The following ODAD2 variants were observed in gnomAD, a reference collection of about 807,000 sequenced individuals.
ODAD2 encodes outer dynein arm docking complex subunit 2.
A neutral mutation model predicts 106.8 loss-of-function variants in ODAD2; 89 were observed. The observed-to-expected ratio is 0.83, with a 90% CI of 0.70 to 0.99. ODAD2 has a LOEUF of 0.99. Ranked by LOEUF, ODAD2 falls within the 50% of genes least tolerant of loss-of-function variation. The pLI is 0.00. For missense variants in ODAD2, 1,168 were observed against 1,238.5 expected, an observed-to-expected ratio of 0.94 and a Z score of 0.85; for synonymous variants, 404 against 436.2, an observed-to-expected ratio of 0.93 and a Z score of 0.92.
chr10:27,944,447 A>T lies in ODAD2; in HGVS notation c.1534-16T>A. The T allele has an allele frequency of 6.2e-7, 1 of 1,602,208 alleles. No homozygotes were observed. The highest frequency in any genetic ancestry group is 8.6e-7 in the Non-Finnish European group (1 of 1,169,392). ...ATGAACCAATCTGTGTGAGAAAAAA[A>T]AAGATGAGTGGCGAATATGTAACCC... On this transcript the variant is annotated splice_polypyrimidine_tract_variant and intron_variant, in intron 11 of 19. Transcript: ENST00000305242.
chr10:27,861,138 C>T (rs1840013302), intron 18 of ODAD2, among the ~76,000 whole-genome samples: 2 of 152,094 alleles, frequency 1.3e-5, no homozygotes, highest in South Asian at 4.1e-4. Context: ...ATTACAGGTG[C>T]CCGCCACCAC....
chr10:27,866,235 T>C (rs1840428257), intron 17 of ODAD2, among the ~76,000 whole-genome samples: 1 of 152,182 alleles, frequency 6.6e-6, no homozygotes, highest in Admixed American at 6.5e-5. Flanking sequence ...CTTTAGTATT[T>C]GCATGTCATA....
intron 17 of ODAD2, among the ~76,000 whole-genome samples, chr10:27,894,029 T>A (rs1023587784): frequency 7.2e-5 from 11 of 152,058 alleles, no homozygotes; most frequent in African/African-American, 2.7e-4. Context: ...CCTGGAGTCC[T>A]AACTACTCTG....
intron 17 of ODAD2, chr10:27,904,103 C>A (rs880708): frequency 6.3e-6 from 1 of 158,160 alleles, no homozygotes; most frequent in Non-Finnish European, 1.4e-5. Flanking sequence ...CCAAACTGTT[C>A]CCTCATACAG....
chr10:27,994,803 T>G, intron 2 of ODAD2, 116 bp downstream of exon 2: 3 of 1,121,978 alleles, frequency 2.7e-6, no homozygotes, highest in Non-Finnish European at 3.8e-6. Context: ...CATTCCCTGG[T>G]TTAGAGGGCT....
At chr10:27,900,096 G>C (rs1843098091) in intron 17 of ODAD2, among the ~76,000 whole-genome samples, 1 of 152,134 alleles carries the variant, frequency 6.6e-6, no homozygotes, top group Non-Finnish European at 1.5e-5. Context: ...TGCCCCTCTA[G>C]GACAAAGCTT....
chr10:27,815,557 A>T (rs926067270), intron 19 of ODAD2, among the ~76,000 whole-genome samples: 1 of 151,882 alleles, frequency 6.6e-6, no homozygotes, highest in Non-Finnish European at 1.5e-5. Context: ...ATCTTATTTG[A>T]CCCCTTAACA....
intron 19 of ODAD2, among the ~76,000 whole-genome samples, chr10:27,854,028 C>T (rs1235383749): frequency 6.6e-6 from 1 of 152,114 alleles, no homozygotes; most frequent in Non-Finnish European, 1.5e-5. Context: ...ACAGAACTCT[C>T]AAAACCCAAT....
At position 27,846,967 on chromosome 10, in the gene ODAD2, G is replaced by C. The variant is rs192972334; in HGVS notation, c.3021+13658C>G. ...ACCAAAAAAATTCCAGGATCAGATG[G>C]ATTCACAGCCAAATTCTACCAGAAG... On this transcript the variant is annotated intron_variant, in intron 19 of 19. Transcript: ENST00000305242. Among the ~76,000 whole-genome samples, 163 of 152,296 alleles carry C rather than the reference G, an allele frequency of 1.1e-3. No individual in the cohort carries two copies. The Middle Eastern group carries it at 0.02, about 19-fold the overall frequency.
At chr10:27,981,671 T>G (rs1849555483) in intron 6 of ODAD2, 89 bp from the exon 7 acceptor site, 4 of 928,286 alleles carry the variant, frequency 4.3e-6, no homozygotes, top group Non-Finnish European at 6.4e-6. Flanking sequence ...CCACACGTAT[T>G]ATTTTCATCT....
chr10:27,883,900 A>G (rs144099047), intron 17 of ODAD2, among the ~76,000 whole-genome samples: 59 of 152,064 alleles, frequency 3.9e-4, no homozygotes, highest in African/African-American at 1.4e-3. Flanking sequence ...AAATAAATGA[A>G]GTAACATAAG....
intron 16 of ODAD2, among the ~76,000 whole-genome samples, chr10:27,915,964 G>A (rs1209828905): frequency 6.6e-6 from 1 of 152,150 alleles, no homozygotes; most frequent in Non-Finnish European, 1.5e-5. Context: ...ACCATGGAGT[G>A]TTAGAGCACA....
intron 19 of ODAD2, among the ~76,000 whole-genome samples, chr10:27,838,693 T>C (rs1192402309): frequency 2.6e-5 from 4 of 152,234 alleles, no homozygotes. Context: ...GCACACTGAT[T>C]GAATTTGGCA....
At chr10:27,985,880 A>G (rs1295229154) in intron 3 of ODAD2, among the ~76,000 whole-genome samples, 1 of 151,960 alleles carries the variant, frequency 6.6e-6, no homozygotes, top group African/African-American at 2.4e-5. Flanking sequence ...GAACCTAGAG[A>G]TGTTGAAAAC....
At chr10:27,873,840 G>T (rs2133469729) in intron 17 of ODAD2, among the ~76,000 whole-genome samples, 1 of 152,304 alleles carries the variant, frequency 6.6e-6, no homozygotes, top group South Asian at 2.1e-4. Flanking sequence ...CTGTTGATTT[G>T]GGGTGGAGAG....
chr10:27,917,681 G>A (rs1399391219), intron 16 of ODAD2, among the ~76,000 whole-genome samples: 1 of 151,858 alleles, frequency 6.6e-6, no homozygotes, highest in Non-Finnish European at 1.5e-5. Context: ...GGCTTTGTAG[G>A]TAACATATAA....
intron 17 of ODAD2, among the ~76,000 whole-genome samples, chr10:27,875,148 G>A (rs191475661): frequency 7.2e-5 from 11 of 152,054 alleles, no homozygotes; most frequent in Non-Finnish European, 1.5e-4. Context: ...TGATTGAATC[G>A]GCTACTAAAG....
At chr10:27,904,869 C>A (rs1338081954) in intron 17 of ODAD2, 1 of 152,154 alleles carries the variant, frequency 6.6e-6, no homozygotes, top group Non-Finnish European at 1.5e-5. Flanking sequence ...GCTGTGATAG[C>A]CAAAAACAAG....
intron 16 of ODAD2, among the ~76,000 whole-genome samples, chr10:27,928,557 A>G (rs1244924568): frequency 5.3e-5 from 8 of 152,050 alleles, no homozygotes; most frequent in East Asian, 1.9e-4. Context: ...CTTATCTATG[A>G]CATGCCCTCA....
Sources: allele counts gnomAD v4.1 joint callset (sites outside exome capture counted in the v4.1 genomes callset), GRCh38; gene constraint gnomAD v4.1.1; transcripts MANE v1.5; gene names NCBI Gene and HGNC (gene_info 2026-07-23, HGNC 2026-07-21).